The following ADAMTSL3 variants were observed in gnomAD, a reference collection of about 807,000 sequenced individuals.
ADAMTSL3 encodes ADAMTS-like protein 3.
In ADAMTSL3, 128 loss-of-function variants were observed where a neutral mutation model predicts 201.7. That is an observed-to-expected ratio of 0.63 (90% CI 0.55 to 0.73). The LOEUF is 0.73. ADAMTSL3 is among the 30% of genes least tolerant of loss of function. ADAMTSL3 has a pLI of 0.00. For synonymous variants in ADAMTSL3, 738 were observed against 748.4 expected, an observed-to-expected ratio of 0.99 and a Z score of 0.23; for missense variants, 1,990 against 2,119.6, an observed-to-expected ratio of 0.94 and a Z score of 1.20.
intron 19 of ADAMTSL3, among the ~76,000 whole-genome samples, chr15:83,944,188 A>G (rs1488455133): frequency 2.6e-5 from 4 of 152,174 alleles, no homozygotes; most frequent in African/African-American, 9.7e-5. Context: ...ACCGTGGATA[A>G]GAAGGGACTA....
intron 17 of ADAMTSL3, among the ~76,000 whole-genome samples, chr15:83,935,255 G>A (rs11632808): frequency 0.14 from 20,970 of 152,078 alleles, 1,856 homozygotes; most frequent in Middle Eastern, 0.33. Context: ...AAAAAATAGC[G>A]GTAATACCCA....
chr15:83,915,280 G>A (rs753176827), intron 16 of ADAMTSL3, among the ~76,000 whole-genome samples: 3 of 152,160 alleles, frequency 2.0e-5, no homozygotes, highest in Non-Finnish European at 4.4e-5. Flanking sequence ...AGTTGGGAAA[G>A]CATAGCATGC....
intron 7 of ADAMTSL3, among the ~76,000 whole-genome samples, chr15:83,858,413 C>G (rs2064785856): frequency 6.6e-6 from 1 of 152,150 alleles, no homozygotes; most frequent in Admixed American, 6.5e-5. Context: ...TACTCTGTTG[C>G]CCAGGCTGGA....
chr15:83,737,023 G>A (rs192932628), intron 3 of ADAMTSL3, among the ~76,000 whole-genome samples: 1 of 152,124 alleles, frequency 6.6e-6, no homozygotes, highest in East Asian at 1.9e-4. Context: ...ATATTTTAAA[G>A]TATAGCTAAT....
chr15:83,941,068 T>C (rs913853867), intron 17 of ADAMTSL3, among the ~76,000 whole-genome samples: 16 of 151,958 alleles, frequency 1.1e-4, no homozygotes, highest in African/African-American at 3.6e-4. Context: ...TTAAATATTT[T>C]AAATTTTTTA....
rs149299146 is a variant in ADAMTSL3 at position 83,872,598 on chromosome 15, C to CCACACACACACACACACA, written c.960+1652_960+1669dup. Among the ~76,000 whole-genome samples the CCACACACACACACACACA allele has an allele frequency of 3.4e-3, 158 of 46,506 alleles. 4 individuals carry two copies. Among genetic ancestry groups the CCACACACACACACACACA allele is most frequent in the Middle Eastern group, 0.034 (2 of 58 alleles). The allele number at this position is 46,506 out of a possible 152,430, so 30.5% of individuals were successfully genotyped here. A position where few individuals can be genotyped will look rare whatever the true frequency, so the allele number is the denominator to read the frequency against. ...GTGATTCTCAAGTAGAAAATATACA[C>CCACACACACACACACACA]CACACACACACACACACACACACAC... On this transcript the variant is annotated intron_variant, in intron 9 of 29. Transcript: ENST00000286744.
chr15:83,810,757 G>T (rs2063681277), intron 5 of ADAMTSL3, among the ~76,000 whole-genome samples: 1 of 151,696 alleles, frequency 6.6e-6, no homozygotes, highest in African/African-American at 2.4e-5. Context: ...TTTTTCTTTT[G>T]AGACTGAGTC....
At chr15:83,655,595 A>C (rs753424901) in intron 1 of ADAMTSL3, 134 bp from the exon 2 acceptor site, 1 of 651,272 alleles carries the variant, frequency 1.5e-6, no homozygotes, top group Non-Finnish European at 2.7e-6. Flanking sequence ...GGCAGCGGCA[A>C]CCTGGGCCAA....
chr15:83,835,097 G>A (rs969459841), intron 6 of ADAMTSL3, among the ~76,000 whole-genome samples: 13 of 152,046 alleles, frequency 8.6e-5, no homozygotes, highest in African/African-American at 3.1e-4. Flanking sequence ...AGCCGGGCAT[G>A]GTGGCGGGTA....
intron 3 of ADAMTSL3, among the ~76,000 whole-genome samples, chr15:83,769,839 C>T (rs1323878112): frequency 7.0e-6 from 1 of 143,554 alleles, no homozygotes; most frequent in Admixed American, 7.1e-5. Flanking sequence ...CTTAAGGAAA[C>T]CTTTGCAGTA....
intron 10 of ADAMTSL3, among the ~76,000 whole-genome samples, chr15:83,888,311 C>CAAAAGAGGAAAATTAATTG (rs1304562138): frequency 1.3e-5 from 2 of 152,162 alleles, no homozygotes; most frequent in African/African-American, 4.8e-5. Context: ...TGTGATAAAA[C>CAAAAGAGGAAAATTAATTG]AAAAGAGGAA....
At chr15:83,799,788 C>T (rs555377588) in intron 4 of ADAMTSL3, among the ~76,000 whole-genome samples, 2 of 152,228 alleles carry the variant, frequency 1.3e-5, no homozygotes, top group African/African-American at 2.4e-5. Context: ...TTTTCAAATA[C>T]TCCTGATAAC....
intron 2 of ADAMTSL3, among the ~76,000 whole-genome samples, chr15:83,668,494 A>G (rs924467808): frequency 6.6e-6 from 1 of 150,766 alleles, no homozygotes; most frequent in African/African-American, 2.5e-5. Context: ...ATTATTTTTT[A>G]TTTCTGTGTG....
chr15:83,833,816 A>G (rs2064207786), intron 6 of ADAMTSL3, among the ~76,000 whole-genome samples: 1 of 152,204 alleles, frequency 6.6e-6, no homozygotes, highest in Admixed American at 6.5e-5. Context: ...TGGTGACTGT[A>G]GTGGTGAACT....
chr15:83,819,089 G>A (rs1346173289), intron 5 of ADAMTSL3, among the ~76,000 whole-genome samples: 1 of 152,054 alleles, frequency 6.6e-6, no homozygotes, highest in Non-Finnish European at 1.5e-5. Context: ...GGCCAACGTG[G>A]TGAAACCCCG....
At position 83,719,021 on chromosome 15, in the gene ADAMTSL3, A is replaced by G. The variant is rs2062058991; in HGVS notation, c.189+14513A>G. On this transcript the variant is annotated intron_variant, in intron 3 of 29. Coordinates refer to ENST00000286744, the MANE Select transcript of ADAMTSL3 (RefSeq NM_207517.3). ...AGAATGTCATCATTTTGCAACTCTA[A>G]TGAACTGATATATGCATTGAATATC... 4.6e-5 allele frequency among the ~76,000 whole-genome samples: 7 copies of G among 152,324 alleles called. No individual in the cohort carries two copies. The South Asian group carries it at 1.4e-3, about 32-fold the overall frequency.
chr15:83,857,859 G>T (rs545667985), intron 7 of ADAMTSL3, among the ~76,000 whole-genome samples: 2 of 152,128 alleles, frequency 1.3e-5, no homozygotes, highest in Non-Finnish European at 2.9e-5. Flanking sequence ...GAAGTAATTC[G>T]TATCATTGAT....
intron 3 of ADAMTSL3, among the ~76,000 whole-genome samples, chr15:83,756,609 C>G (rs1416765696): frequency 1.3e-5 from 2 of 149,236 alleles, no homozygotes; most frequent in East Asian, 4.0e-4. Context: ...GCCCCCCCCC[C>G]AAATCTCATG....
intron 9 of ADAMTSL3, among the ~76,000 whole-genome samples, chr15:83,877,267 T>C (rs2065194286): frequency 6.6e-6 from 1 of 152,212 alleles, no homozygotes. Context: ...AGCCTTAATA[T>C]TTTTCTTTTC....
Sources: allele counts gnomAD v4.1 joint callset (sites outside exome capture counted in the v4.1 genomes callset), GRCh38; gene constraint gnomAD v4.1.1; transcripts MANE v1.5; gene names NCBI Gene and HGNC (gene_info 2026-07-23, HGNC 2026-07-21).